Variants in TMEM236 observed in about 807,000 individuals in gnomAD.
The protein encoded by TMEM236 is family with sequence similarity 23, member A.
A neutral mutation model predicts 14.7 loss-of-function variants in TMEM236; 11 were observed. The ratio of observed to expected loss-of-function variants is 0.75; its 90% CI spans 0.47 to 1.24. The LOEUF (loss-of-function observed/expected upper bound fraction) is 1.24, where lower values mean the gene tolerates loss of function less well. Among genes scored for constraint, TMEM236 ranks in the 50% most tolerant of loss-of-function variants. TMEM236 has a pLI of 0.00. For synonymous variants in TMEM236, 182 were observed against 168.6 expected (o/e 1.08, Z -0.62); for missense variants, 464 against 427.3 (o/e 1.09, Z -0.76).
chr10:17,796,127 A>G lies in TMEM236; in HGVS notation c.679A>G (p.Met227Val). 6.2e-7 allele frequency: 1 copy of G among 1,613,880 alleles called. No homozygotes were observed. The highest frequency in any genetic ancestry group is 1.1e-5 in the South Asian group (1 of 91,068). ...EPSCDSGILR[M>V]MSRRDVRAEL... ...CTCCTGTGACTCCGGAATCCTGAGA[A>G]TGATGTCCCGGCGAGATGTCCGGGC... The change falls in exon 4 of 4, where the codon ATG (methionine) becomes GTG (valine). Residue 227 changes from methionine (M) to valine (V), a missense_variant. Met to Val is a conservative substitution (Grantham distance 21, BLOSUM62 1). Transcript: ENST00000377495.
In TMEM236 at chr10:17,799,088, CA is replaced by C; in HGVS notation, c.*2586del. 1 of 180,952 alleles carries C rather than the reference CA, an allele frequency of 5.5e-6. No individual in the cohort carries two copies. The allele number at this position is 180,952 out of a possible 1,614,324, so 11.2% of individuals were successfully genotyped here. On this transcript the variant is annotated 3_prime_UTR_variant, in exon 4 of 4. Coordinates refer to ENST00000377495, the MANE Select transcript of TMEM236 (RefSeq NM_001098844.3). ...CTGAATATATAAATTAAAATGGACA[CA>C]AGCCTTCATTCATCAGACATTTGAG... is the stretch of plus-strand genomic sequence containing the variant.
chr10:17,764,941 C>T (rs1160054853), intron 1 of TMEM236, among the ~76,000 whole-genome samples: 1 of 150,758 alleles, frequency 6.6e-6, no homozygotes, highest in East Asian at 2.0e-4. Context: ...CAAGCCTCAG[C>T]CTCCCGGGTA....
chr10:17,786,633 T>G (rs1370656377), intron 3 of TMEM236, among the ~76,000 whole-genome samples: 1 of 152,234 alleles, frequency 6.6e-6, no homozygotes. Context: ...TTTGGGACCT[T>G]AAGTCCTTCT....
At chr10:17,756,572 G>A (rs897599533) in intron 1 of TMEM236, among the ~76,000 whole-genome samples, 31 of 152,120 alleles carry the variant, frequency 2.0e-4, no homozygotes, top group African/African-American at 6.3e-4. Flanking sequence ...CTGGGATTAC[G>A]GGCATGAACC....
chr10:17,761,558 G>C (rs1837362967), intron 1 of TMEM236, among the ~76,000 whole-genome samples: 2 of 152,036 alleles, frequency 1.3e-5, no homozygotes, highest in African/African-American at 2.4e-5. Flanking sequence ...GCTGGGTGTG[G>C]TGGCTCATGC....
At chr10:17,784,157 A>G (rs1837798214) in intron 3 of TMEM236, among the ~76,000 whole-genome samples, 1 of 152,148 alleles carries the variant, frequency 6.6e-6, no homozygotes, top group Non-Finnish European at 1.5e-5. Flanking sequence ...TTTTTTCACT[A>G]CAAGTAAAAA....
intron 3 of TMEM236, among the ~76,000 whole-genome samples, chr10:17,780,284 G>A (rs1837725643): frequency 1.3e-5 from 2 of 152,040 alleles, no homozygotes; most frequent in African/African-American, 4.8e-5. Context: ...CCTTGCCATC[G>A]TTAGAGTCCT....
intron 1 of TMEM236, 125 bp downstream of exon 1, chr10:17,752,677 C>T: frequency 1.1e-6 from 1 of 926,298 alleles, no homozygotes. Flanking sequence ...AGTGATTCTC[C>T]TGCCTCAGCC....
chr10:17,777,111 G>T (rs937201316), intron 3 of TMEM236, among the ~76,000 whole-genome samples: 6 of 152,158 alleles, frequency 3.9e-5, no homozygotes, highest in Non-Finnish European at 7.3e-5. Flanking sequence ...CACCACTGGG[G>T]CTCGTCAGTC....
At chr10:17,755,420 T>A (rs1837271642) in intron 1 of TMEM236, among the ~76,000 whole-genome samples, 1 of 152,138 alleles carries the variant, frequency 6.6e-6, no homozygotes, top group Non-Finnish European at 1.5e-5. Context: ...ACATGTGAAG[T>A]TCATGGTGCT....
chr10:17,789,260 T>C (rs1293856179), intron 3 of TMEM236, among the ~76,000 whole-genome samples: 22 of 152,224 alleles, frequency 1.4e-4, no homozygotes, highest in Non-Finnish European at 2.9e-4. Context: ...TGACAGTCTT[T>C]CTCTAACTTG....
At position 17,779,358 on chromosome 10, in the gene TMEM236, C is replaced by T. The variant is rs1837711077; in HGVS notation, c.472+3188C>T. Among the ~76,000 whole-genome samples the T allele has an allele frequency of 2.0e-5, 3 of 152,028 alleles. No homozygotes were observed. In the South Asian group the frequency reaches 6.3e-4, roughly 32 times the overall value. ...TTGCTGCTGCTGCTCTGGGCAATTT[C>T]AGCTTTGTAGGCAGAGTGACCCATC... On this transcript the variant is annotated intron_variant, in intron 3 of 3. Transcript: ENST00000377495.
Position 17,796,595 on chromosome 10 carries a change from T to C in TMEM236, c.*91T>C. Reference sequence around the variant, plus strand: ...TTTCTTGGGGCGTAGGTGTTTGCACTATAAAGGAAATGACTAGATTGTAGA... The same window carrying C: ...TTTCTTGGGGCGTAGGTGTTTGCACCATAAAGGAAATGACTAGATTGTAGA... On this transcript the variant is annotated 3_prime_UTR_variant, in exon 4 of 4. Coordinates refer to ENST00000377495, the MANE Select transcript of TMEM236 (RefSeq NM_001098844.3). 2 of 1,172,844 alleles carry C rather than the reference T, an allele frequency of 1.7e-6. No homozygotes were observed. Among genetic ancestry groups the C allele is most frequent in the South Asian group, 2.6e-5 (2 of 76,536 alleles). 72.7% of individuals were successfully genotyped at this position (1,172,844 alleles called of 1,614,324 possible). A position where few individuals can be genotyped will look rare whatever the true frequency, so the allele number is the denominator to read the frequency against.
chr10:17,774,685 A>G (rs1288364819), intron 2 of TMEM236, among the ~76,000 whole-genome samples: 2 of 152,150 alleles, frequency 1.3e-5, no homozygotes, highest in Non-Finnish European at 2.9e-5. Flanking sequence ...TAATTTTCAT[A>G]TAAATTTTAT....
intron 3 of TMEM236, among the ~76,000 whole-genome samples, chr10:17,792,022 G>T (rs1318776785): frequency 1.3e-5 from 2 of 152,110 alleles, no homozygotes; most frequent in Non-Finnish European, 2.9e-5. Context: ...TTTAGCATTA[G>T]CTTTCTTCCT....
intron 3 of TMEM236, among the ~76,000 whole-genome samples, chr10:17,782,780 G>T (rs942380804): frequency 5.9e-5 from 9 of 152,152 alleles, no homozygotes; most frequent in African/African-American, 2.2e-4. Context: ...TGTGTAGAAG[G>T]TGTTATTGGT....
intron 1 of TMEM236, among the ~76,000 whole-genome samples, chr10:17,758,256 T>C (rs973966581): frequency 9.8e-5 from 15 of 152,328 alleles, no homozygotes; most frequent in Admixed American, 7.8e-4. Flanking sequence ...AGTCAAATAG[T>C]TGTTTATGTG....
rs1838078998 is a variant in TMEM236, at chr10:17,800,572, A to T, written c.*4068A>T. Reference sequence around the variant, plus strand: ...ATTGCAATGAGGCATAGGAAAGAAAAGGGAAATGAAATTGCTTGCTGAAGT... The same window carrying T: ...ATTGCAATGAGGCATAGGAAAGAAATGGGAAATGAAATTGCTTGCTGAAGT... On this transcript the variant is annotated 3_prime_UTR_variant, in exon 4 of 4. Transcript: ENST00000377495. 1 of 152,160 alleles carries T rather than the reference A, an allele frequency of 6.6e-6. No individual in the cohort carries two copies. The highest frequency in any genetic ancestry group is 2.4e-5 in the African/African-American group (1 of 41,450). The allele number at this position is 152,160 out of a possible 1,614,324, so 9.4% of individuals were successfully genotyped here. A position where few individuals can be genotyped will look rare whatever the true frequency, so the allele number is the denominator to read the frequency against.
chr10:17,756,398 C>T (rs1041211028), intron 1 of TMEM236, among the ~76,000 whole-genome samples: 1,621 of 152,098 alleles, frequency 0.011, 31 homozygotes, highest in African/African-American at 0.036. Flanking sequence ...CAGGTTCACA[C>T]GATTCTCTTG....
Sources: gnomAD v4.1 joint callset for allele counts (sites outside exome capture counted in the v4.1 genomes callset) on GRCh38, gnomAD v4.1.1 for gene constraint, MANE v1.5 for transcripts, NCBI Gene and HGNC (gene_info 2026-07-23, HGNC 2026-07-21) for gene names.